ADAM17: variants seen among roughly 807,000 people sequenced by gnomAD.
ADAM17 encodes the protein disintegrin and metalloproteinase domain-containing protein 17.
In ADAM17, 39 loss-of-function variants were observed where a neutral mutation model predicts 96.7. That is an observed-to-expected ratio of 0.40 (90% confidence interval 0.31 to 0.53). The LOEUF is 0.53. Among genes scored for constraint, ADAM17 ranks in the 20% least tolerant of loss-of-function variants. ADAM17 has a pLI of 0.44. For missense variants in ADAM17, 777 were observed against 1,013.2 expected (o/e 0.77, Z 3.17); for synonymous variants, 344 against 359.2 (o/e 0.96, Z 0.48).
intron 8 of ADAM17, among the ~76,000 whole-genome samples, chr2:9,520,230 T>C (rs1279879283): frequency 6.6e-6 from 1 of 152,174 alleles, no homozygotes; most frequent in African/African-American, 2.4e-5. Flanking sequence ...AACAAGAAAC[T>C]AATAAACTTG....
Position 9,488,920 on chromosome 2 carries a change from T to C in ADAM17, c.*1257A>G, listed in dbSNP as rs1661827021. 1 of 152,204 alleles carries C rather than the reference T, an allele frequency of 6.6e-6. No individual in the cohort carries two copies. Among genetic ancestry groups the C allele is most frequent in the Non-Finnish European group, 1.5e-5 (1 of 68,028 alleles). The allele number at this position is 152,204 out of a possible 1,614,324, so 9.4% of individuals were successfully genotyped here. A position where few individuals can be genotyped will look rare whatever the true frequency, so the allele number is the denominator to read the frequency against. On this transcript the variant is annotated 3_prime_UTR_variant, in exon 19 of 19. Coordinates refer to ENST00000310823, the MANE Select transcript of ADAM17 (RefSeq NM_003183.6). ...TTCAGTTCTTAGGGGAAAAAAAGCTTTTAATGGCAATTTATAGAAATCAGA... is the reference window on the plus strand; with the variant it reads ...TTCAGTTCTTAGGGGAAAAAAAGCTCTTAATGGCAATTTATAGAAATCAGA...
At chr2:9,535,578 G>A (rs1180176402) in intron 4 of ADAM17, among the ~76,000 whole-genome samples, 2 of 152,122 alleles carry the variant, frequency 1.3e-5, no homozygotes, top group Non-Finnish European at 2.9e-5. Context: ...TGAGTCAGGA[G>A]GGAAAGAAAG....
intron 2 of ADAM17, among the ~76,000 whole-genome samples, chr2:9,541,635 C>CT (rs1313882499): frequency 1.4e-4 from 21 of 152,188 alleles, no homozygotes; most frequent in African/African-American, 5.1e-4. Flanking sequence ...TCTGAGAAGT[C>CT]TAACTGAGTT....
In ADAM17 at chr2:9,505,156, G is replaced by A. The variant is rs1293154993; in HGVS notation, c.1544+10C>T. 2 of 1,613,954 alleles carry A rather than the reference G, an allele frequency of 1.2e-6. No homozygotes were observed. The highest frequency in any genetic ancestry group is 2.2e-5 in the East Asian group (1 of 44,898). ...CAACTTCCCAAAATCCCTGTGGAGAGACTCCTCACCTGCACTGGACACCTT... is the reference window on the plus strand; with the variant it reads ...CAACTTCCCAAAATCCCTGTGGAGAAACTCCTCACCTGCACTGGACACCTT... On this transcript the variant is annotated intron_variant, in intron 12 of 18. Transcript: ENST00000310823.
At chr2:9,550,309 T>C (rs1311695093) in intron 1 of ADAM17, among the ~76,000 whole-genome samples, 1 of 152,064 alleles carries the variant, frequency 6.6e-6, no homozygotes, top group Non-Finnish European at 1.5e-5. Flanking sequence ...ACCTGGGACG[T>C]AACCTGAGCC....
chr2:9,491,018 T>G (rs1359647154), intron 18 of ADAM17, 83 bp downstream of exon 18: 3 of 1,264,776 alleles, frequency 2.4e-6, no homozygotes, highest in Admixed American at 3.8e-5. Flanking sequence ...CAGTGAAAGC[T>G]CTTGCTGGGT....
chr2:9,554,311 C>T (rs1665674471), intron 1 of ADAM17, among the ~76,000 whole-genome samples: 1 of 152,120 alleles, frequency 6.6e-6, no homozygotes, highest in Non-Finnish European at 1.5e-5. Context: ...TACCCTATCC[C>T]TCCATCCTAA....
chr2:9,520,964 CAAAAAAAA>C lies in ADAM17; in HGVS notation c.957+231_957+238del, dbSNP rs55909096. 2.7e-4 allele frequency among the ~76,000 whole-genome samples: 7 copies of C among 26,294 alleles called. 1 individual carries two copies. The highest frequency in any genetic ancestry group is 1.2e-3 in the South Asian group (1 of 846). The allele number at this position is 26,294 out of a possible 152,430, so 17.2% of individuals were successfully genotyped here. Reference sequence around the variant, plus strand: ...GGGCAACAAGAGTGAAACTCTGTCTCAAAAAAAAAAAAAAAAAAAAAAGGAAGCATTGC... The same window carrying C: ...GGGCAACAAGAGTGAAACTCTGTCTCAAAAAAAAAAAAAAGGAAGCATTGC... On this transcript the variant is annotated intron_variant, in intron 8 of 18. Transcript: ENST00000310823.
In ADAM17 at chr2:9,514,517, A is replaced by AT. The variant is rs1217443581; in HGVS notation, c.1191+3383_1191+3384insA. On this transcript the variant is annotated intron_variant, in intron 10 of 18. Transcript: ENST00000310823. ...ATCCTAGAACTTAAATTTAAAATAT[A>AT]AATATATATATATATATATATATAT... is the stretch of plus-strand genomic sequence containing the variant. 6.5e-4 allele frequency among the ~76,000 whole-genome samples: 48 copies of AT among 74,174 alleles called. 1 individual carries two copies. The highest frequency in any genetic ancestry group is 2.1e-3 in the East Asian group (5 of 2,378). 48.7% of individuals were successfully genotyped at this position (74,174 alleles called of 152,430 possible). A position where few individuals can be genotyped will look rare whatever the true frequency, so the allele number is the denominator to read the frequency against.
rs55909096 is a variant in ADAM17, at chr2:9,520,964, CAA to C, written c.957+237_957+238del. 2.7e-3 allele frequency among the ~76,000 whole-genome samples: 71 copies of C among 26,284 alleles called. 2 individuals carry two copies. Among genetic ancestry groups the C allele is most frequent in the South Asian group, 0.019 (16 of 848 alleles). 17.2% of individuals were successfully genotyped at this position (26,284 alleles called of 152,430 possible). ...GGGCAACAAGAGTGAAACTCTGTCT[CAA>C]AAAAAAAAAAAAAAAAAAAAGGAAG... On this transcript the variant is annotated intron_variant, in intron 8 of 18. Coordinates refer to ENST00000310823, the MANE Select transcript of ADAM17 (RefSeq NM_003183.6).
At chr2:9,544,410 T>G (rs1665329534) in intron 1 of ADAM17, among the ~76,000 whole-genome samples, 1 of 152,132 alleles carries the variant, frequency 6.6e-6, no homozygotes, top group African/African-American at 2.4e-5. Flanking sequence ...TGCATGCCTG[T>G]AATCCCAGCT....
chr2:9,511,658 A>G (rs868352962), intron 10 of ADAM17, among the ~76,000 whole-genome samples: 2 of 152,098 alleles, frequency 1.3e-5, no homozygotes, highest in Middle Eastern at 3.2e-3. Flanking sequence ...TTTTTTTTCC[A>G]TATTTATCTG....
intron 2 of ADAM17, 72 bp from the exon 3 acceptor site, chr2:9,536,900 T>G: frequency 6.6e-7 from 1 of 1,526,714 alleles, no homozygotes; most frequent in East Asian, 2.3e-5. Context: ...TAATTAAACT[T>G]TCTTAAAAAG....
chr2:9,508,130 A>G (rs948832764), intron 11 of ADAM17, among the ~76,000 whole-genome samples: 9 of 152,226 alleles, frequency 5.9e-5, no homozygotes, highest in African/African-American at 1.9e-4. Flanking sequence ...AAGTTCTGAC[A>G]CTATCCTCAT....
In ADAM17 at chr2:9,519,109, G is replaced by A. The variant is rs556062807; in HGVS notation, c.958-862C>T. 3.9e-5 allele frequency among the ~76,000 whole-genome samples: 6 copies of A among 152,172 alleles called. No individual in the cohort carries two copies. In the South Asian group the frequency reaches 1.2e-3, roughly 32 times the overall value. On this transcript the variant is annotated intron_variant, in intron 8 of 18. Transcript: ENST00000310823. The stretch of plus-strand genomic sequence containing the variant: ...TTTGTACAACATGTTGCCCAAGCTA[G>A]CCTTGAACTCCTGGGCTCAAACAAT...
chr2:9,534,139 G>A (rs1386106183), intron 4 of ADAM17, among the ~76,000 whole-genome samples: 1 of 152,180 alleles, frequency 6.6e-6, no homozygotes, highest in East Asian at 1.9e-4. Context: ...CAGAGGCCGA[G>A]GCTGGCAGAT....
intron 4 of ADAM17, among the ~76,000 whole-genome samples, chr2:9,528,329 T>C (rs1436707400): frequency 6.6e-6 from 1 of 152,214 alleles, no homozygotes; most frequent in African/African-American, 2.4e-5. Context: ...GCTATAGTAA[T>C]GAAAATTGGA....
At chr2:9,518,990 C>T (rs949860867) in intron 8 of ADAM17, among the ~76,000 whole-genome samples, 5 of 152,050 alleles carry the variant, frequency 3.3e-5, no homozygotes, top group Admixed American at 3.3e-4. Flanking sequence ...ACTGCAGCCT[C>T]GACCTCCCAG....
At position 9,517,904 on chromosome 2, in the gene ADAM17, T is replaced by C; in HGVS notation, c.1188A>G (p.Thr396=). The C allele has an allele frequency of 3.2e-6, 5 of 1,581,766 alleles. No individual in the cohort carries two copies. The highest frequency in any genetic ancestry group is 4.3e-6 in the Non-Finnish European group (5 of 1,164,712). The part of the protein sequence containing the change: ...STKNYGKTIL[T]KEADLVTTHE... Reference sequence around the variant, plus strand: ...TTTTAGAAATAAAAGAACATACCTTTGTAAGGATGGTTTTACCATAATTCT... The same window carrying C: ...TTTTAGAAATAAAAGAACATACCTTCGTAAGGATGGTTTTACCATAATTCT... Residue 396 remains threonine (T), a synonymous_variant, in exon 10 of 19, where the codon ACA becomes ACG. Transcript: ENST00000310823.
Sources: gnomAD v4.1 joint callset for allele counts (sites outside exome capture counted in the v4.1 genomes callset) on GRCh38, gnomAD v4.1.1 for gene constraint, MANE v1.5 for transcripts, NCBI Gene and HGNC (gene_info 2026-07-23, HGNC 2026-07-21) for gene names.